WDR62: variants seen among roughly 807,000 people sequenced by gnomAD.
WDR62 encodes WD repeat-containing protein 62.
A neutral mutation model predicts 160.6 loss-of-function variants in WDR62; 112 were observed. The ratio of observed to expected loss-of-function variants is 0.70; its 90% CI spans 0.60 to 0.82. The LOEUF is 0.82. WDR62 is among the 40% of genes least tolerant of loss of function. The pLI, the probability that WDR62 is intolerant of heterozygous loss-of-function variation, is 0.00. For missense variants in WDR62, 1,819 were observed against 1,983.8 expected (o/e 0.92, Z 1.58); for synonymous variants, 792 against 815.1 (o/e 0.97, Z 0.48).
chr19:36,073,715 G>A, intron 9 of WDR62, 184 bp downstream of exon 9: 1 of 684,556 alleles, frequency 1.5e-6, no homozygotes, highest in African/African-American at 1.8e-5. Context: ...CATTTGGATG[G>A]GAAAGGAAAC....
chr19:36,091,541 A>C lies in WDR62; in HGVS notation c.2210+76A>C. ...CACTCAGCCTGCCTGTGTAGAGAGC[A>C]TTTCTAAACTGCCCAGTTTGGATTG... On this transcript the variant is annotated intron_variant, in intron 18 of 31. Transcript: ENST00000401500. 2.1e-6 allele frequency: 3 copies of C among 1,414,136 alleles called. 1 individual carries two copies. The South Asian group carries it at 3.5e-5, about 16-fold the overall frequency. 87.6% of individuals were successfully genotyped at this position (1,414,136 alleles called of 1,614,324 possible).
At chr19:36,075,233 C>G (rs1971513107) in intron 9 of WDR62, 1 of 151,948 alleles carries the variant, frequency 6.6e-6, no homozygotes, top group African/African-American at 2.4e-5. Flanking sequence ...GGGGTTTCTC[C>G]TTGTTGGTCA....
chr19:36,099,902 G>T (rs762299579), intron 22 of WDR62, among the ~76,000 whole-genome samples: 2 of 152,082 alleles, frequency 1.3e-5, no homozygotes, highest in Non-Finnish European at 2.9e-5. Flanking sequence ...ACCCATTCCT[G>T]TTGTGTGACC....
In WDR62 at chr19:36,089,192, A is replaced by T; in HGVS notation, c.1844A>T (p.Asp615Val). The T allele has an allele frequency of 6.2e-7, 1 of 1,614,096 alleles. No homozygotes were observed. Among genetic ancestry groups the T allele is most frequent in the Non-Finnish European group, 8.5e-7 (1 of 1,180,002 alleles). Residue 615 changes from aspartate (D) to valine (V), a missense_variant, in exon 15 of 32, where the codon GAT becomes GTT. Asp to Val is a radical substitution (Grantham distance 152). Coordinates refer to ENST00000401500, the MANE Select transcript of WDR62 (RefSeq NM_001083961.2). Reference protein sequence around the residue: ...IYFRSAQQGSDGLHFVRTHHV... With the variant: ...IYFRSAQQGSVGLHFVRTHHV... ...TCCTGCCGGCCCTGCCAGGGTTCGG[A>T]TGGACTACACTTTGTCCGTACCCAC...
chr19:36,085,768 A>G (rs1478864879), intron 12 of WDR62, among the ~76,000 whole-genome samples: 3 of 152,062 alleles, frequency 2.0e-5, no homozygotes, highest in African/African-American at 7.2e-5. Flanking sequence ...GAAGATTTCC[A>G]AGTGAAGATT....
chr19:36,074,110 G>C (rs906874401), intron 9 of WDR62: 1 of 255,032 alleles, frequency 3.9e-6, no homozygotes, highest in Non-Finnish European at 7.8e-6. Context: ...ACCAGCCTGG[G>C]CAACACAAGA....
intron 22 of WDR62, among the ~76,000 whole-genome samples, chr19:36,100,230 C>T (rs1404115311): frequency 6.6e-6 from 1 of 152,174 alleles, no homozygotes; most frequent in African/African-American, 2.4e-5. Flanking sequence ...GCAACTTTAG[C>T]TCTTTCTCTA....
intron 26 of WDR62, 120 bp downstream of exon 26, chr19:36,102,271 G>T (rs1681405619): frequency 6.9e-7 from 1 of 1,445,994 alleles, no homozygotes; most frequent in Non-Finnish European, 9.6e-7. Flanking sequence ...CAACTGCTTC[G>T]TTTTTTTTGA....
Position 36,069,161 on chromosome 19 carries a change from C to G in WDR62, c.882+1151C>G, listed in dbSNP as rs1296034282. Among the ~76,000 whole-genome samples, 5 of 140,962 alleles carry G rather than the reference C, an allele frequency of 3.5e-5. No individual in the cohort carries two copies. In the East Asian group the frequency reaches 1.0e-3, roughly 29 times the overall value. 92.5% of individuals were successfully genotyped at this position (140,962 alleles called of 152,430 possible). On this transcript the variant is annotated intron_variant, in intron 7 of 31. Coordinates refer to ENST00000401500, the MANE Select transcript of WDR62 (RefSeq NM_001083961.2). The stretch of plus-strand genomic sequence containing the variant: ...CTCCCTCCCGGACTGGGCGGCTGGC[C>G]GGGCGGGGGCTGACCCCCACCTCCC...
chr19:36,064,418 G>A (rs1970825584), intron 3 of WDR62, among the ~76,000 whole-genome samples: 1 of 151,964 alleles, frequency 6.6e-6, no homozygotes, highest in South Asian at 2.1e-4. Context: ...TGGGACTACA[G>A]GCGCCCACCA....
rs774362699 is a variant in WDR62, at chr19:36,101,286, C to T, written c.2940C>T (p.Ser980=). 1.1e-5 allele frequency: 18 copies of T among 1,612,326 alleles called. No homozygotes were observed. The South Asian group carries it at 1.2e-4, about 11-fold the overall frequency. ...QQGDSYLRVS[S]DSPKDQSPPE... is the part of the protein sequence containing the mutation. ...GCGACTCCTACCTCAGGGTGTCCTCCGACAGCCCAAAGGACCAGAGCCCGC... is the reference window on the plus strand; with the variant it reads ...GCGACTCCTACCTCAGGGTGTCCTCTGACAGCCCAAAGGACCAGAGCCCGC... The change falls in exon 24 of 32, where the codon TCC becomes TCT. Residue 980 remains serine, a synonymous_variant. Coordinates refer to ENST00000401500, the MANE Select transcript of WDR62 (RefSeq NM_001083961.2).
intron 12 of WDR62, among the ~76,000 whole-genome samples, chr19:36,085,948 G>C (rs1972201609): frequency 6.6e-6 from 1 of 152,082 alleles, no homozygotes; most frequent in East Asian, 1.9e-4. Flanking sequence ...CTCCCAAAAT[G>C]CTGGGATTAC....
intron 5 of WDR62, among the ~76,000 whole-genome samples, chr19:36,067,036 CCAT>C (rs1454367867): frequency 6.6e-6 from 1 of 152,232 alleles, no homozygotes; most frequent in Non-Finnish European, 1.5e-5. Context: ...GTCCCCAATA[CCAT>C]GTGTGGGCTG....
intron 9 of WDR62, among the ~76,000 whole-genome samples, chr19:36,076,995 T>A (rs1236429917): frequency 1.3e-5 from 2 of 152,054 alleles, no homozygotes; most frequent in East Asian, 1.9e-4. Flanking sequence ...ATATATAAAA[T>A]GATAAAATAT....
At chr19:36,065,011 A>G (rs143993203) in intron 3 of WDR62, among the ~76,000 whole-genome samples, 2 of 152,172 alleles carry the variant, frequency 1.3e-5, no homozygotes, top group Non-Finnish European at 2.9e-5. Flanking sequence ...AGCAGGGCAA[A>G]GGGTTCCCTT....
chr19:36,091,058 C>T lies in WDR62; in HGVS notation c.2035-142C>T. ...CTGCTGCGGTGGTTGTTAATTTCTT[C>T]ACGTGTCGAATGGGAGCGGGAGCTC... On this transcript the variant is annotated intron_variant, in intron 16 of 31. Coordinates refer to ENST00000401500, the MANE Select transcript of WDR62 (RefSeq NM_001083961.2). 4.2e-6 allele frequency: 3 copies of T among 721,228 alleles called. No homozygotes were observed. In the South Asian group the frequency reaches 4.5e-5, roughly 11 times the overall value. The allele number at this position is 721,228 out of a possible 1,614,324, so 44.7% of individuals were successfully genotyped here. A position where few individuals can be genotyped will look rare whatever the true frequency, so the allele number is the denominator to read the frequency against.
At chr19:36,073,052 G>A (rs999456562) in intron 8 of WDR62, among the ~76,000 whole-genome samples, 1 of 152,170 alleles carries the variant, frequency 6.6e-6, no homozygotes, top group Admixed American at 6.5e-5. Context: ...TATGCTCAGA[G>A]AGAGAGCAGG....
chr19:36,091,503 A>G, intron 18 of WDR62, 38 bp downstream of exon 18: 1 of 1,577,740 alleles, frequency 6.3e-7, no homozygotes, highest in Non-Finnish European at 8.7e-7. Context: ...TGGCTCAGAT[A>G]CCATGAGCAC....
intron 18 of WDR62, 30 bp from the exon 19 acceptor site, chr19:36,092,659 G>A: frequency 6.2e-7 from 1 of 1,613,682 alleles, no homozygotes; most frequent in South Asian, 1.1e-5. Context: ...CTCTTCCTCT[G>A]CCTTGTGTGT....
Sources: allele counts gnomAD v4.1 joint callset (sites outside exome capture counted in the v4.1 genomes callset), GRCh38; gene constraint gnomAD v4.1.1; transcripts MANE v1.5; gene names NCBI Gene and HGNC (gene_info 2026-07-23, HGNC 2026-07-21).